RIMBP2: variants seen among roughly 807,000 people sequenced by gnomAD.
The protein encoded by RIMBP2 is RIMS binding protein 2.
In RIMBP2, 48 loss-of-function variants were observed where a neutral mutation model predicts 118.6. The ratio of observed to expected loss-of-function variants is 0.40; its 90% CI spans 0.32 to 0.51. The LOEUF (loss-of-function observed/expected upper bound fraction) is 0.51. Among genes scored for constraint, RIMBP2 ranks in the 20% least tolerant of loss-of-function variants. The pLI is 0.41. For synonymous variants in RIMBP2, 762 were observed against 742.9 expected (o/e 1.03, Z -0.42); for missense variants, 1,551 against 1,768.3 (o/e 0.88, Z 2.20).
At position 130,703,730 on chromosome 12, in the gene RIMBP2, G is replaced by A. The variant is rs750212030; in HGVS notation, c.-352+12492C>T. On this transcript the variant is annotated intron_variant, in intron 1 of 22. Coordinates refer to ENST00000690449, the MANE Select transcript of RIMBP2 (RefSeq NM_001393629.1). The surrounding 1 kb of genome is among the most constrained non-coding windows in gnomAD (Gnocchi z 5.7). ...CTTAAATAAGATTCAGTTGTCATGTGTAGTATATTGGGAGTGCGTTTGAAA... is the reference window on the plus strand; with the variant it reads ...CTTAAATAAGATTCAGTTGTCATGTATAGTATATTGGGAGTGCGTTTGAAA... 8.5e-5 allele frequency among the ~76,000 whole-genome samples: 13 copies of A among 152,262 alleles called. No homozygotes were observed. The East Asian group carries it at 2.1e-3, about 25-fold the overall frequency.
At chr12:130,663,113 G>A (rs1372783679) in intron 1 of RIMBP2, among the ~76,000 whole-genome samples, 1 of 152,218 alleles carries the variant, frequency 6.6e-6, no homozygotes, top group Non-Finnish European at 1.5e-5. Flanking sequence ...GGTTCTGCAG[G>A]CAGGAGGGGC....
Position 130,710,440 on chromosome 12 carries a change from G to A in RIMBP2, c.-352+5782C>T, listed in dbSNP as rs921724231. The stretch of plus-strand genomic sequence containing the variant: ...TACACATGCACACACACACATACAC[G>A]CAGGCGCACACACACACATACACAC... On this transcript the variant is annotated intron_variant, in intron 1 of 22. Transcript: ENST00000690449. The surrounding 1 kb of genome is among the most constrained non-coding windows in gnomAD (Gnocchi z 4.3). Among the ~76,000 whole-genome samples the A allele has an allele frequency of 9.2e-5, 14 of 151,784 alleles. No individual in the cohort carries two copies. The highest frequency in any genetic ancestry group is 2.7e-4 in the African/African-American group (11 of 41,260).
At chr12:130,416,282 A>C (rs1017247528) in intron 17 of RIMBP2, among the ~76,000 whole-genome samples, 25 of 152,336 alleles carry the variant, frequency 1.6e-4, no homozygotes, top group Middle Eastern at 3.4e-3. Context: ...TCTTAAGCAA[A>C]AGGAACAAAT....
chr12:130,709,260 G>A (rs1164553637), intron 1 of RIMBP2, among the ~76,000 whole-genome samples: 1 of 152,230 alleles, frequency 6.6e-6, no homozygotes, highest in Non-Finnish European at 1.5e-5. Context: ...GCCCTCCCGG[G>A]GCCCCAACTG....
At chr12:130,481,097 C>CA (rs2081961061) in intron 4 of RIMBP2, among the ~76,000 whole-genome samples, 1 of 23,900 alleles carries the variant, frequency 4.2e-5, no homozygotes, top group Non-Finnish European at 1.1e-4. Flanking sequence ...GCTGTGAGGG[C>CA]GGGGGGCACC....
intron 1 of RIMBP2, among the ~76,000 whole-genome samples, chr12:130,679,117 CA>C (rs905463347): frequency 6.6e-6 from 1 of 151,714 alleles, no homozygotes; most frequent in Non-Finnish European, 1.5e-5. Flanking sequence ...CAACAACAAC[CA>C]AAAAAAAGAA....
intron 3 of RIMBP2, among the ~76,000 whole-genome samples, chr12:130,509,629 C>A (rs2050701495): frequency 6.6e-6 from 1 of 152,160 alleles, no homozygotes; most frequent in African/African-American, 2.4e-5. Context: ...CTCTCCCACA[C>A]CCTTCTCCCT....
chr12:130,600,526 C>T (rs1257594703), intron 2 of RIMBP2, among the ~76,000 whole-genome samples: 1 of 152,002 alleles, frequency 6.6e-6, no homozygotes, highest in African/African-American at 2.4e-5. Context: ...ATGTCAGCCC[C>T]AACAGAACCC....
chr12:130,414,040 C>T (rs2075938782), intron 18 of RIMBP2, 85 bp downstream of exon 18: 22 of 1,405,598 alleles, frequency 1.6e-5, no homozygotes, highest in East Asian at 9.1e-5. Flanking sequence ...ATCTCTAAGT[C>T]GATACCCTGT....
chr12:130,506,872 G>C, intron 3 of RIMBP2, 102 bp from the exon 4 acceptor site: 1 of 865,248 alleles, frequency 1.2e-6, no homozygotes, highest in Non-Finnish European at 1.4e-6. Flanking sequence ...TTTCCTCCTA[G>C]AGAATCCTTC....
At position 130,525,197 on chromosome 12, in the gene RIMBP2, G is replaced by A. The variant is rs753004885; in HGVS notation, c.-216-7280C>T. ...CTGTAGAGTGCAGGGCAGAAGCAAT[G>A]GGAAGCCAGCTCCAGGCTTTTCTAG... On this transcript the variant is annotated intron_variant, in intron 2 of 22. Transcript: ENST00000690449. This position sits in a 1 kb window ranked among gnomAD's most constrained non-coding sequence, Gnocchi z 4.4. Among the ~76,000 whole-genome samples the A allele has an allele frequency of 6.6e-6, 1 of 152,206 alleles. No homozygotes were observed. Among genetic ancestry groups the A allele is most frequent in the Non-Finnish European group, 1.5e-5 (1 of 68,046 alleles).
rs995918329 is a variant in RIMBP2 at position 130,609,623 on chromosome 12, C to T, written c.-217+18699G>A. On this transcript the variant is annotated intron_variant, in intron 2 of 22. Coordinates refer to ENST00000690449, the MANE Select transcript of RIMBP2 (RefSeq NM_001393629.1). ...AAGATACTTATTTGGGGAGTTTCCT[C>T]GTGTGATTACAGAGGCCAATAAGTC... is the stretch of plus-strand genomic sequence containing the variant. 1.6e-4 allele frequency among the ~76,000 whole-genome samples: 21 copies of T among 131,336 alleles called. 1 individual carries two copies. The highest frequency in any genetic ancestry group is 5.8e-4 in the East Asian group (3 of 5,186). 86.2% of individuals were successfully genotyped at this position (131,336 alleles called of 152,430 possible). A position where few individuals can be genotyped will look rare whatever the true frequency, so the allele number is the denominator to read the frequency against.
chr12:130,642,946 G>A (rs552675851), intron 1 of RIMBP2, among the ~76,000 whole-genome samples: 11 of 152,258 alleles, frequency 7.2e-5, no homozygotes, highest in East Asian at 1.9e-4. Flanking sequence ...TCCGTGGAGC[G>A]CCATCAATTC....
At position 130,539,926 on chromosome 12, in the gene RIMBP2, C is replaced by G. The variant is rs12366414; in HGVS notation, c.-216-22009G>C. ...TGGCAAATGCAGTAGATGAGGTGGC[C>G]AGGTGTAGGATATGGCAAATGCAGT... On this transcript the variant is annotated intron_variant, in intron 2 of 22. Coordinates refer to ENST00000690449, the MANE Select transcript of RIMBP2 (RefSeq NM_001393629.1). Among the ~76,000 whole-genome samples, 59 of 110,212 alleles carry G rather than the reference C, an allele frequency of 5.4e-4. 1 individual carries two copies. Among genetic ancestry groups the G allele is most frequent in the East Asian group, 9.8e-4 (3 of 3,060 alleles). The allele number at this position is 110,212 out of a possible 152,430, so 72.3% of individuals were successfully genotyped here.
At position 130,469,371 on chromosome 12, in the gene RIMBP2, T is replaced by C. The variant is rs140759886; in HGVS notation, c.153+1322A>G. Among the ~76,000 whole-genome samples the C allele has an allele frequency of 3.4e-3, 525 of 152,224 alleles. 7 individuals are homozygous for C. Among genetic ancestry groups the C allele is most frequent in the South Asian group, 8.5e-3 (41 of 4,820 alleles). On this transcript the variant is annotated intron_variant, in intron 6 of 22. Coordinates refer to ENST00000690449, the MANE Select transcript of RIMBP2 (RefSeq NM_001393629.1). This position sits in a 1 kb window ranked among gnomAD's most constrained non-coding sequence, Gnocchi z 4.8. ...GGTGGAGCAGTCCCTCAGAGGCGGA[T>C]TGAAGCCACACAGGGTCATGTCAAT...
chr12:130,429,637 G>A (rs142773197), intron 14 of RIMBP2: 92 of 152,158 alleles, frequency 6.0e-4, no homozygotes, highest in African/African-American at 1.9e-3. Context: ...ATTCTGTGAC[G>A]TATTTATCTA....
At chr12:130,421,582 C>T (rs2076407864) in intron 17 of RIMBP2, among the ~76,000 whole-genome samples, 1 of 152,198 alleles carries the variant, frequency 6.6e-6, no homozygotes, top group Non-Finnish European at 1.5e-5. Flanking sequence ...GGTGGCTTTT[C>T]AGTGGCCTAG....
intron 11 of RIMBP2, among the ~76,000 whole-genome samples, chr12:130,439,131 G>A (rs550041819): frequency 8.6e-5 from 13 of 151,900 alleles, no homozygotes; most frequent in African/African-American, 1.2e-4. Context: ...CCATTTCTGC[G>A]TGTGTGTGTA....
Position 130,710,069 on chromosome 12 carries a change from C to T in RIMBP2, c.-352+6153G>A, listed in dbSNP as rs188416284. ...TCCCTGGGAGCTCACGGGTGGACAC[C>T]GAGGGTCTCCAGGAGAGGGGTTGGC... On this transcript the variant is annotated intron_variant, in intron 1 of 22. Coordinates refer to ENST00000690449, the MANE Select transcript of RIMBP2 (RefSeq NM_001393629.1). The surrounding 1 kb of genome is among the most constrained non-coding windows in gnomAD (Gnocchi z 4.3). Among the ~76,000 whole-genome samples the T allele has an allele frequency of 1.3e-5, 2 of 152,162 alleles. No individual in the cohort carries two copies. Among genetic ancestry groups the T allele is most frequent in the African/African-American group, 4.8e-5 (2 of 41,432 alleles).
Sources: allele counts gnomAD v4.1 joint callset (sites outside exome capture counted in the v4.1 genomes callset), GRCh38; gene constraint gnomAD v4.1.1; non-coding constraint Gnocchi (gnomAD v3.1); transcripts MANE v1.5; gene names NCBI Gene and HGNC (gene_info 2026-07-23, HGNC 2026-07-21).